The following SEMA3E variants were observed in gnomAD, a reference collection of about 807,000 sequenced individuals.
SEMA3E encodes semaphorin 3E, also known as semaphorin-3E.
Under a neutral mutation model 93.6 loss-of-function variants are expected in SEMA3E, and 49 were observed. The observed-to-expected ratio is 0.52, with a 90% CI of 0.42 to 0.66. SEMA3E has a LOEUF of 0.66. Among genes scored for constraint, SEMA3E ranks in the 30% least tolerant of loss-of-function variants. SEMA3E has a pLI of 0.00. For synonymous variants in SEMA3E, 363 were observed against 330.7 expected, an observed-to-expected ratio of 1.10 and a Z score of -1.06; for missense variants, 906 against 964.8, an observed-to-expected ratio of 0.94 and a Z score of 0.81.
At chr7:83,589,503 C>G (rs901012293) in intron 1 of SEMA3E, among the ~76,000 whole-genome samples, 1 of 152,042 alleles carries the variant, frequency 6.6e-6, no homozygotes, top group Non-Finnish European at 1.5e-5. Context: ...TCCCCACTCA[C>G]GAGACATCTA....
intron 1 of SEMA3E, among the ~76,000 whole-genome samples, chr7:83,533,046 C>T (rs1791335855): frequency 1.3e-5 from 2 of 150,476 alleles, no homozygotes; most frequent in South Asian, 4.3e-4. Context: ...TTCCTTTATC[C>T]CCAAAACACT....
intron 16 of SEMA3E, among the ~76,000 whole-genome samples, chr7:83,379,481 T>C (rs1219975231): frequency 6.6e-6 from 1 of 151,954 alleles, no homozygotes; most frequent in Non-Finnish European, 1.5e-5. Context: ...TGGCATATAG[T>C]AAGCACTAAA....
At chr7:83,398,879 G>A (rs1788180183) in intron 11 of SEMA3E, among the ~76,000 whole-genome samples, 1 of 152,162 alleles carries the variant, frequency 6.6e-6, no homozygotes, top group South Asian at 2.1e-4. Flanking sequence ...GGGAGGCAGA[G>A]TTTGCAGTGA....
intron 1 of SEMA3E, among the ~76,000 whole-genome samples, chr7:83,525,777 T>A (rs1252222905): frequency 8.9e-6 from 1 of 112,804 alleles, no homozygotes; most frequent in East Asian, 2.6e-4. Flanking sequence ...CATTTTTGTT[T>A]GTTTGGGTTT....
chr7:83,569,220 G>A (rs117072616), intron 1 of SEMA3E, among the ~76,000 whole-genome samples: 1,857 of 151,768 alleles, frequency 0.012, 18 homozygotes, highest in Non-Finnish European at 0.02. Context: ...AAACACTGAT[G>A]AAAGAAATTG....
At chr7:83,555,419 G>A (rs1349746129) in intron 1 of SEMA3E, among the ~76,000 whole-genome samples, 1 of 152,136 alleles carries the variant, frequency 6.6e-6, no homozygotes, top group Non-Finnish European at 1.5e-5. Context: ...CATGGTAGAA[G>A]TCACAGCATT....
At chr7:83,409,080 G>A (rs547039507) in intron 5 of SEMA3E, among the ~76,000 whole-genome samples, 9 of 152,206 alleles carry the variant, frequency 5.9e-5, no homozygotes, top group Middle Eastern at 6.8e-3. Flanking sequence ...TATAAAAAGC[G>A]CTCAAAATTT....
At chr7:83,409,925 G>A (rs955348851) in intron 5 of SEMA3E, among the ~76,000 whole-genome samples, 3 of 151,274 alleles carry the variant, frequency 2.0e-5, no homozygotes, top group Non-Finnish European at 4.4e-5. Context: ...CAAATTAAAA[G>A]GAAGTTTATT....
chr7:83,623,195 A>G lies in SEMA3E; in HGVS notation c.115+25233T>C, dbSNP rs527400789. On this transcript the variant is annotated intron_variant, in intron 1 of 16. Transcript: ENST00000643230. ...AATAATCAAACAAGTGCATAAAGAC[A>G]TATGTATACTAATGATGACAACAAT... Among the ~76,000 whole-genome samples, 33 of 152,260 alleles carry G rather than the reference A, an allele frequency of 2.2e-4. No individual in the cohort carries two copies. In the South Asian group the frequency reaches 6.8e-3, roughly 32 times the overall value.
intron 1 of SEMA3E, among the ~76,000 whole-genome samples, chr7:83,546,231 A>G (rs1337084215): frequency 6.7e-6 from 1 of 149,278 alleles, no homozygotes; most frequent in Non-Finnish European, 1.5e-5. Context: ...TATTACCCTG[A>G]ATAACTATAG....
chr7:83,591,268 T>A (rs1217296501), intron 1 of SEMA3E, among the ~76,000 whole-genome samples: 1 of 151,920 alleles, frequency 6.6e-6, no homozygotes, highest in Non-Finnish European at 1.5e-5. Context: ...TGCAAATCTT[T>A]ATTGGATTAT....
intron 4 of SEMA3E, among the ~76,000 whole-genome samples, chr7:83,447,410 C>T (rs577000474): frequency 3.9e-5 from 6 of 151,970 alleles, no homozygotes; most frequent in Non-Finnish European, 5.9e-5. Context: ...TGGTGGCGGG[C>T]GCCTGTAGTC....
chr7:83,389,734 T>C (rs531134291), intron 14 of SEMA3E, among the ~76,000 whole-genome samples: 4 of 146,390 alleles, frequency 2.7e-5, no homozygotes, highest in Admixed American at 6.9e-5. Context: ...CATGTATACA[T>C]ATATACACGT....
At chr7:83,526,924 GTGACCTCATAA>G (rs1791172644) in intron 1 of SEMA3E, among the ~76,000 whole-genome samples, 1 of 152,104 alleles carries the variant, frequency 6.6e-6, no homozygotes, top group Non-Finnish European at 1.5e-5. Context: ...GAGGTTAATT[GTGACCTCATAA>G]TGATATGTTC....
At chr7:83,455,008 C>G in intron 4 of SEMA3E, among the ~76,000 whole-genome samples, 1 of 149,268 alleles carries the variant, frequency 6.7e-6, no homozygotes, top group Middle Eastern at 3.5e-3. Flanking sequence ...ATATGTATAA[C>G]CCTTATGATT....
At chr7:83,434,760 C>T (rs977197968) in intron 4 of SEMA3E, among the ~76,000 whole-genome samples, 2 of 138,558 alleles carry the variant, frequency 1.4e-5, no homozygotes, top group Non-Finnish European at 3.0e-5. Context: ...GTCGCCCAGG[C>T]TGGAGTGCAG....
At chr7:83,446,934 ATTC>A (rs1789243378) in intron 4 of SEMA3E, among the ~76,000 whole-genome samples, 1 of 152,350 alleles carries the variant, frequency 6.6e-6, no homozygotes, top group Non-Finnish European at 1.5e-5. Context: ...ATTTATTAAT[ATTC>A]TTATTAGAAT....
intron 1 of SEMA3E, among the ~76,000 whole-genome samples, chr7:83,559,779 T>C (rs1791990631): frequency 1.3e-5 from 2 of 152,098 alleles, no homozygotes; most frequent in African/African-American, 2.4e-5. Context: ...CTGATGTTTA[T>C]AGGTGTATTC....
At chr7:83,563,763 T>C (rs1011723202) in intron 1 of SEMA3E, among the ~76,000 whole-genome samples, 2 of 152,316 alleles carry the variant, frequency 1.3e-5, no homozygotes, top group Middle Eastern at 3.4e-3. Context: ...CTGTTAAAAA[T>C]GATTCTCTCC....
Sources: gnomAD v4.1 joint callset for allele counts (sites outside exome capture counted in the v4.1 genomes callset) on GRCh38, gnomAD v4.1.1 for gene constraint, MANE v1.5 for transcripts, NCBI Gene and HGNC (gene_info 2026-07-23, HGNC 2026-07-21) for gene names.